Variants in UGT1A3 observed in about 807,000 individuals in gnomAD.
The protein encoded by UGT1A3 is UDP glucuronosyltransferase family 1 member A3.
Under a neutral mutation model 41.0 loss-of-function variants are expected in UGT1A3, and 31 were observed. That is an observed-to-expected ratio of 0.76 (90% confidence interval 0.57 to 1.02). The LOEUF (loss-of-function observed/expected upper bound fraction) is 1.02. Among genes scored for constraint, UGT1A3 ranks in the 50% least tolerant of loss-of-function variants. The pLI, the probability that UGT1A3 is intolerant of heterozygous loss-of-function variation, is 0.00. For missense variants in UGT1A3, 737 were observed against 671.0 expected (o/e 1.10, Z -1.09); for synonymous variants, 262 against 257.6 (o/e 1.02, Z -0.17).
intron 1 of UGT1A3, among the ~76,000 whole-genome samples, chr2:233,764,956 C>T (rs371892810): frequency 2.6e-5 from 4 of 152,042 alleles, no homozygotes; most frequent in Non-Finnish European, 5.9e-5. Context: ...AGAGAGGGCT[C>T]ACCTTGGGAG....
intron 1 of UGT1A3, among the ~76,000 whole-genome samples, chr2:233,758,359 C>A (rs1696853264): frequency 6.6e-6 from 1 of 152,198 alleles, no homozygotes; most frequent in Non-Finnish European, 1.5e-5. Flanking sequence ...GCAGGAAAGT[C>A]ATAAAATCAT....
Position 233,729,114 on chromosome 2 carries a change from G to A in UGT1A3, c.-13G>A. The A allele has an allele frequency of 6.2e-7, 1 of 1,612,948 alleles. No homozygotes were observed. On this transcript the variant is annotated 5_prime_UTR_variant, in exon 1 of 5. Coordinates refer to ENST00000482026, the MANE Select transcript of UGT1A3 (RefSeq NM_019093.4). ...GTGGGGTGGACAGTCAGCTGTCCGT[G>A]TCTTCTGCTGAGATGGCCACAGGAC... is the stretch of plus-strand genomic sequence containing the variant.
At position 233,729,883 on chromosome 2, in the gene UGT1A3, TC is replaced by T. The variant is rs771925903; in HGVS notation, c.758del (p.Ser253LeufsTer10). ...AGTGGTGGATATTCTCAGTCATGCA[TC>T]TGTGTGGCTGTTCCGAGGGGACTTT... ...VSVVDILSHA[S>X]VWLFRGDFVM... On this transcript the variant is annotated frameshift_variant, in exon 1 of 5. Transcript: ENST00000482026. LOFTEE classifies it high-confidence loss of function. The T allele has an allele frequency of 6.2e-6, 10 of 1,613,824 alleles. No individual in the cohort carries two copies. In the African/African-American group the frequency reaches 1.3e-4, roughly 22 times the overall value.
intron 1 of UGT1A3, chr2:233,753,763 T>C (rs1695302197): frequency 1.3e-5 from 2 of 152,344 alleles, no homozygotes; most frequent in South Asian, 4.1e-4. Context: ...TGCGTGGCCC[T>C]TTGGAAACGC....
intron 1 of UGT1A3, among the ~76,000 whole-genome samples, chr2:233,732,921 ATTGATTCTTCC>A (rs2078336368): frequency 6.6e-6 from 1 of 151,962 alleles, no homozygotes; most frequent in African/African-American, 2.4e-5. Flanking sequence ...TTTTCACGAT[ATTGATTCTTCC>A]TATCCATGAG....
rs1699793349 is a variant in UGT1A3 at position 233,769,122 on chromosome 2, A to G, written c.1307+683A>G. On this transcript the variant is annotated intron_variant, in intron 4 of 4. Transcript: ENST00000482026. The surrounding 1 kb of genome is among the most constrained non-coding windows in gnomAD (Gnocchi z 4.4). ...TAAGAGAAAAACAACTCAAATGCTTAGAAGTACAGCTTTTTGCAGCACTGG... is the reference window on the plus strand; with the variant it reads ...TAAGAGAAAAACAACTCAAATGCTTGGAAGTACAGCTTTTTGCAGCACTGG... Among the ~76,000 whole-genome samples, 1 of 152,252 alleles carries G rather than the reference A, an allele frequency of 6.6e-6. No individual in the cohort carries two copies. The highest frequency in any genetic ancestry group is 1.5e-5 in the Non-Finnish European group (1 of 68,050).
At chr2:233,751,815 C>G (rs186854463) in intron 1 of UGT1A3, among the ~76,000 whole-genome samples, 1 of 152,308 alleles carries the variant, frequency 6.6e-6, no homozygotes, top group East Asian at 1.9e-4. Context: ...TTTCCTGAGG[C>G]CTCCCCAGCC....
chr2:233,748,954 C>G (rs1349169273), intron 1 of UGT1A3, among the ~76,000 whole-genome samples: 2 of 151,646 alleles, frequency 1.3e-5, no homozygotes, highest in Non-Finnish European at 2.9e-5. Context: ...TATCCCACTC[C>G]AAGTTTCTAT....
At chr2:233,756,814 A>C (rs985210538) in intron 1 of UGT1A3, among the ~76,000 whole-genome samples, 2 of 152,110 alleles carry the variant, frequency 1.3e-5, no homozygotes, top group Admixed American at 6.5e-5. Flanking sequence ...AGGTCACTCA[A>C]TTCCAAGGGG....
chr2:233,744,585 T>G (rs560652902), intron 1 of UGT1A3, among the ~76,000 whole-genome samples: 1 of 151,910 alleles, frequency 6.6e-6, no homozygotes, highest in Non-Finnish European at 1.5e-5. Context: ...CGTTTTACAG[T>G]TTTTGCATCT....
At chr2:233,744,177 C>G (rs1335639755) in intron 1 of UGT1A3, among the ~76,000 whole-genome samples, 1 of 151,854 alleles carries the variant, frequency 6.6e-6, no homozygotes, top group Admixed American at 6.5e-5. Context: ...CGGCCTCCAA[C>G]CAGCCATGGT....
At chr2:233,766,090 G>A (rs1699047199) in intron 1 of UGT1A3, among the ~76,000 whole-genome samples, 1 of 152,166 alleles carries the variant, frequency 6.6e-6, no homozygotes, top group Admixed American at 6.5e-5. Flanking sequence ...CAAGGACAGA[G>A]GGCTTTCTGT....
Position 233,729,554 on chromosome 2 carries a change from C to G in UGT1A3, c.428C>G (p.Ala143Gly). The change falls in exon 1 of 5, where the codon GCT becomes GGT. Residue 143 changes from alanine to glycine, a missense_variant. Coordinates refer to ENST00000482026, the MANE Select transcript of UGT1A3 (RefSeq NM_019093.4). Reference protein sequence around the residue: ...HNEALIRHLNATSFDVVLTDP... With the variant: ...HNEALIRHLNGTSFDVVLTDP... ...GAGGCCCTGATCAGGCACCTGAATG[C>G]TACTTCCTTTGATGTGGTTTTAACA... The G allele has an allele frequency of 6.2e-7, 1 of 1,614,178 alleles. No individual in the cohort carries two copies. Among genetic ancestry groups the G allele is most frequent in the Non-Finnish European group, 8.5e-7 (1 of 1,180,026 alleles).
Position 233,729,583 on chromosome 2 carries a change from C to T in UGT1A3, c.457C>T (p.Pro153Ser), listed in dbSNP as rs1274615489. Residue 153 changes from proline (P) to serine (S), a missense_variant, in exon 1 of 5, where the codon CCC (proline) becomes TCC (serine). By Grantham distance (74) the Pro-to-Ser change is moderately conservative. Coordinates refer to ENST00000482026, the MANE Select transcript of UGT1A3 (RefSeq NM_019093.4). The stretch of plus-strand genomic sequence containing the variant: ...TTCCTTTGATGTGGTTTTAACAGAC[C>T]CCGTTAACCTCTGCGCGGCAGTGCT... Reference protein sequence around the residue: ...ATSFDVVLTDPVNLCAAVLAK... With the variant: ...ATSFDVVLTDSVNLCAAVLAK... 1.1e-5 allele frequency: 17 copies of T among 1,613,918 alleles called. No homozygotes were observed. The highest frequency in any genetic ancestry group is 1.4e-5 in the Non-Finnish European group (17 of 1,179,990).
chr2:233,738,058 G>A (rs1690676256), intron 1 of UGT1A3, among the ~76,000 whole-genome samples: 1 of 152,076 alleles, frequency 6.6e-6, no homozygotes, highest in Non-Finnish European at 1.5e-5. Flanking sequence ...AGGACATGGT[G>A]GGAGGTCCCC....
chr2:233,731,441 C>T (rs1000336522), intron 1 of UGT1A3, among the ~76,000 whole-genome samples: 6 of 152,112 alleles, frequency 3.9e-5, no homozygotes, highest in Non-Finnish European at 5.9e-5. Flanking sequence ...CCCCAGTCCC[C>T]CACCCCACAA....
chr2:233,772,643 T>C lies in UGT1A3; in HGVS notation c.*84T>C, dbSNP rs78684540. ...AAAACAGAATCAGTGTTAAATTCAT[T>C]TTATTCTTATTAAGGAAATACTTTG... is the stretch of plus-strand genomic sequence containing the variant. On this transcript the variant is annotated 3_prime_UTR_variant, in exon 5 of 5. Transcript: ENST00000482026. The C allele has an allele frequency of 4.5e-5, 70 of 1,550,640 alleles. No homozygotes were observed. The East Asian group carries it at 1.3e-3, about 28-fold the overall frequency.
At chr2:233,771,960 T>A (rs1700422086) in intron 4 of UGT1A3, among the ~76,000 whole-genome samples, 1 of 152,076 alleles carries the variant, frequency 6.6e-6, no homozygotes, top group Non-Finnish European at 1.5e-5. Flanking sequence ...ACAAAAAATT[T>A]AAAAATTGGC....
At chr2:233,758,941 T>C (rs1697024496) in intron 1 of UGT1A3, among the ~76,000 whole-genome samples, 1 of 152,230 alleles carries the variant, frequency 6.6e-6, no homozygotes, top group Non-Finnish European at 1.5e-5. Flanking sequence ...TTCAAATCAG[T>C]CATCAGAATT....
Sources: allele counts gnomAD v4.1 joint callset (sites outside exome capture counted in the v4.1 genomes callset), GRCh38; gene constraint gnomAD v4.1.1; non-coding constraint Gnocchi (gnomAD v3.1); transcripts MANE v1.5; gene names NCBI Gene and HGNC (gene_info 2026-07-23, HGNC 2026-07-21).